LRRN2: variants seen among roughly 807,000 people sequenced by gnomAD.
LRRN2 encodes leucine rich repeat neuronal 2.
A neutral mutation model predicts 35.7 loss-of-function variants in LRRN2; 10 were observed. That is an observed-to-expected ratio of 0.28 (90% CI 0.17 to 0.47). The LOEUF is 0.47. Among genes scored for constraint, LRRN2 ranks in the 20% least tolerant of loss-of-function variants. LRRN2 has a pLI of 0.99. For synonymous variants in LRRN2, 391 were observed against 409.6 expected, an observed-to-expected ratio of 0.95 and a Z score of 0.55; for missense variants, 731 against 940.3, an observed-to-expected ratio of 0.78 and a Z score of 2.91.
intron 1 of LRRN2, among the ~76,000 whole-genome samples, chr1:204,644,521 C>T (rs780818770): frequency 6.6e-6 from 1 of 152,182 alleles, no homozygotes; most frequent in African/African-American, 2.4e-5. Flanking sequence ...GGTCTTTGAA[C>T]CTGTTGTTCT....
chr1:204,642,324 G>A (rs1179469969), intron 1 of LRRN2, among the ~76,000 whole-genome samples: 1 of 152,228 alleles, frequency 6.6e-6, no homozygotes, highest in East Asian at 1.9e-4. Flanking sequence ...CCTGGGACTG[G>A]GAAGCCTTAG....
In LRRN2 at chr1:204,618,382, G is replaced by T. The variant is rs768691014; in HGVS notation, c.1611C>A (p.His537Gln). The T allele has an allele frequency of 1.9e-6, 3 of 1,610,300 alleles. No homozygotes were observed. The highest frequency in any genetic ancestry group is 4.5e-5 in the East Asian group (2 of 44,830). ...CCCAAGATAGCAGGATGTGATAGGG[G>T]TGGGTCTCCTGCACCCGGAGCTCCA... ...QGLELRVQET[H>Q]PYHILLSWVT... The change falls in exon 2 of 2, where the codon CAC becomes CAA. Residue 537 changes from histidine (H) to glutamine (Q), a missense_variant. By Grantham distance (24) the His-to-Gln change is conservative (BLOSUM62 0). Around this residue, in one of 3 missense-constraint regions of LRRN2, gnomAD observed 229 missense variants for 258.4 expected, o/e 0.89. Transcript: ENST00000367177.
intron 1 of LRRN2, among the ~76,000 whole-genome samples, chr1:204,650,875 G>A (rs1181256841): frequency 6.6e-6 from 1 of 152,142 alleles, no homozygotes; most frequent in Admixed American, 6.5e-5. Context: ...GGGCTCGGAA[G>A]GAATGACAGA....
intron 1 of LRRN2, among the ~76,000 whole-genome samples, chr1:204,675,443 T>TGTTTCCTG (rs1464116659): frequency 2.0e-5 from 3 of 152,236 alleles, no homozygotes; most frequent in Non-Finnish European, 4.4e-5. Flanking sequence ...GGAGAGACTC[T>TGTTTCCTG]GTTTCCTGGA....
Position 204,665,312 on chromosome 1 carries a change from T to G in LRRN2, c.-227+20008A>C, listed in dbSNP as rs547644554. Among the ~76,000 whole-genome samples, 15 of 152,252 alleles carry G rather than the reference T, an allele frequency of 9.9e-5. No homozygotes were observed. The South Asian group carries it at 3.1e-3, about 32-fold the overall frequency. On this transcript the variant is annotated intron_variant, in intron 1 of 1. Transcript: ENST00000367177. ...TTCTTTAAAGTCTCATTTTTCCTTTTTATTTTTTTGGAGACAGGTTCTCCT... is the reference window on the plus strand; with the variant it reads ...TTCTTTAAAGTCTCATTTTTCCTTTGTATTTTTTTGGAGACAGGTTCTCCT...
chr1:204,631,706 C>T (rs1488431982), intron 1 of LRRN2, among the ~76,000 whole-genome samples: 1 of 151,976 alleles, frequency 6.6e-6, no homozygotes, highest in East Asian at 1.9e-4. Context: ...GAAAAATTCA[C>T]AGGGGTAGTG....
intron 1 of LRRN2, among the ~76,000 whole-genome samples, chr1:204,653,246 A>G (rs1445567247): frequency 6.6e-6 from 1 of 152,214 alleles, no homozygotes; most frequent in African/African-American, 2.4e-5. Flanking sequence ...AGATACAAGT[A>G]CCCAGCTACA....
chr1:204,654,339 C>T (rs951243266), intron 1 of LRRN2, among the ~76,000 whole-genome samples: 11 of 152,178 alleles, frequency 7.2e-5, no homozygotes, highest in African/African-American at 2.7e-4. Flanking sequence ...GGTTTGAATA[C>T]TGTAGACAAG....
At chr1:204,669,152 T>C (rs1273314529) in intron 1 of LRRN2, among the ~76,000 whole-genome samples, 4 of 152,344 alleles carry the variant, frequency 2.6e-5, no homozygotes, top group Middle Eastern at 3.4e-3. Flanking sequence ...CGTGAAAGAT[T>C]AATGCTATTG....
At chr1:204,670,911 T>G (rs1668695839) in intron 1 of LRRN2, among the ~76,000 whole-genome samples, 1 of 152,194 alleles carries the variant, frequency 6.6e-6, no homozygotes, top group Non-Finnish European at 1.5e-5. Context: ...GACATTTGGC[T>G]TGTACGGAGA....
chr1:204,643,995 A>G (rs996140561), intron 1 of LRRN2, among the ~76,000 whole-genome samples: 1 of 152,146 alleles, frequency 6.6e-6, no homozygotes, highest in Non-Finnish European at 1.5e-5. Context: ...TGAGGATTAA[A>G]TGTGATATGC....
intron 1 of LRRN2, among the ~76,000 whole-genome samples, chr1:204,640,546 C>T (rs1558411319): frequency 6.6e-6 from 1 of 152,218 alleles, no homozygotes; most frequent in Non-Finnish European, 1.5e-5. Context: ...TGTGCAGCTC[C>T]TTCCGAGGAG....
intron 1 of LRRN2, among the ~76,000 whole-genome samples, chr1:204,636,963 A>G (rs141279570): frequency 1.3e-5 from 2 of 152,234 alleles, no homozygotes; most frequent in Non-Finnish European, 2.9e-5. Flanking sequence ...GGAAAAGTGT[A>G]CTGATGTCTG....
At position 204,623,874 on chromosome 1, in the gene LRRN2, C is replaced by T. The variant is rs569455761; in HGVS notation, c.-226-3656G>A. Among the ~76,000 whole-genome samples, 6 of 152,286 alleles carry T rather than the reference C, an allele frequency of 3.9e-5. No individual in the cohort carries two copies. The South Asian group carries it at 1.0e-3, about 26-fold the overall frequency. ...GCTATAGTGAAATGTGTAGAGAACA[C>T]GCATTGCATTTAATCCCCCCAACAA... On this transcript the variant is annotated intron_variant, in intron 1 of 1. Transcript: ENST00000367177.
intron 1 of LRRN2, among the ~76,000 whole-genome samples, chr1:204,649,934 C>G (rs1021039878): frequency 6.6e-6 from 1 of 152,232 alleles, no homozygotes; most frequent in African/African-American, 2.4e-5. Flanking sequence ...CCAGAGGTAA[C>G]TGGCTGTGAC....
chr1:204,665,177 GA>G (rs1446527597), intron 1 of LRRN2, among the ~76,000 whole-genome samples: 1 of 149,398 alleles, frequency 6.7e-6, no homozygotes, highest in African/African-American at 2.5e-5. Context: ...GGACGTGAAA[GA>G]AAAAAAAAGA....
At chr1:204,628,364 G>C (rs1667559013) in intron 1 of LRRN2, 1 of 152,236 alleles carries the variant, frequency 6.6e-6, no homozygotes, top group African/African-American at 2.4e-5. Flanking sequence ...GGGCTTTAGA[G>C]ACGGCGCGGC....
chr1:204,654,513 C>A (rs980293150), intron 1 of LRRN2, among the ~76,000 whole-genome samples: 2 of 152,188 alleles, frequency 1.3e-5, no homozygotes, highest in Non-Finnish European at 2.9e-5. Context: ...GTACAAAGTT[C>A]TTTCTTTGTA....
At chr1:204,632,934 C>CAA (rs755369336) in intron 1 of LRRN2, among the ~76,000 whole-genome samples, 2 of 121,858 alleles carry the variant, frequency 1.6e-5, no homozygotes, top group African/African-American at 3.1e-5. Context: ...ACTCTGTCTC[C>CAA]AAAAAAAAAA....
Sources: gnomAD v4.1 joint callset for allele counts (sites outside exome capture counted in the v4.1 genomes callset) on GRCh38, gnomAD v4.1.1 for gene constraint, gnomAD v4.1.1 regional missense constraint, MANE v1.5 for transcripts, NCBI Gene and HGNC (gene_info 2026-07-23, HGNC 2026-07-21) for gene names.